ADCY2: variants seen among roughly 807,000 people sequenced by gnomAD.
The protein encoded by ADCY2 is adenylate cyclase 2.
A neutral mutation model predicts 125.2 loss-of-function variants in ADCY2; 31 were observed. The ratio of observed to expected loss-of-function variants is 0.25; its 90% CI spans 0.19 to 0.33. ADCY2 has a LOEUF of 0.33. Among genes scored for constraint, ADCY2 ranks in the 10% least tolerant of loss-of-function variants. ADCY2 has a pLI of 1.00. For synonymous variants in ADCY2, 512 were observed against 548.4 expected, an observed-to-expected ratio of 0.93 and a Z score of 0.93; for missense variants, 904 against 1,418.2, an observed-to-expected ratio of 0.64 and a Z score of 5.82.
At chr5:7,684,294 G>C (rs1321877629) in intron 4 of ADCY2, among the ~76,000 whole-genome samples, 2 of 152,184 alleles carry the variant, frequency 1.3e-5, no homozygotes, top group African/African-American at 2.4e-5. Context: ...TTGGGTGCTG[G>C]TGTGCCACAA....
chr5:7,514,902 AT>A (rs955528494), intron 2 of ADCY2, among the ~76,000 whole-genome samples: 1 of 152,188 alleles, frequency 6.6e-6, no homozygotes, highest in African/African-American at 2.4e-5. Context: ...TTGATTTTAA[AT>A]TTTTAGCCTC....
At chr5:7,494,405 G>A (rs1247801711) in intron 2 of ADCY2, among the ~76,000 whole-genome samples, 1 of 152,026 alleles carries the variant, frequency 6.6e-6, no homozygotes, top group African/African-American at 2.4e-5. Flanking sequence ...TTCTCTCTCT[G>A]CTCTCAACTC....
At chr5:7,752,514 G>T (rs1742858896) in intron 15 of ADCY2, among the ~76,000 whole-genome samples, 1 of 151,742 alleles carries the variant, frequency 6.6e-6, no homozygotes, top group South Asian at 2.1e-4. Context: ...CTTAATATGA[G>T]CTTCTACTTC....
intron 3 of ADCY2, among the ~76,000 whole-genome samples, chr5:7,548,066 T>C (rs1039219898): frequency 6.6e-6 from 1 of 152,248 alleles, no homozygotes; most frequent in Non-Finnish European, 1.5e-5. Context: ...CTGCTTCCAT[T>C]GACACCTGCC....
intron 3 of ADCY2, among the ~76,000 whole-genome samples, chr5:7,618,384 G>T (rs1355120864): frequency 6.6e-6 from 1 of 152,158 alleles, no homozygotes; most frequent in African/African-American, 2.4e-5. Context: ...CACAATGCCA[G>T]TTGAAAATGT....
intron 4 of ADCY2, among the ~76,000 whole-genome samples, chr5:7,666,470 G>T (rs1040236394): frequency 6.7e-6 from 1 of 149,614 alleles, no homozygotes; most frequent in Non-Finnish European, 1.5e-5. Flanking sequence ...GGGTTTCACC[G>T]TGTTAGTCAG....
At chr5:7,700,714 A>ACCC (rs1741050226) in intron 7 of ADCY2, among the ~76,000 whole-genome samples, 1 of 3,250 alleles carries the variant, frequency 3.1e-4, no homozygotes, top group Non-Finnish European at 7.6e-4. Flanking sequence ...ACCCCCTCGC[A>ACCC]CCCACCACAC....
chr5:7,455,911 A>G (rs1336132608), intron 2 of ADCY2, among the ~76,000 whole-genome samples: 3 of 148,774 alleles, frequency 2.0e-5, no homozygotes, highest in African/African-American at 4.9e-5. Context: ...TATATAATAT[A>G]TAAGCTATAT....
rs200724669 is a variant in ADCY2, at chr5:7,573,604, T to C, written c.571-52563T>C. Among the ~76,000 whole-genome samples the C allele has an allele frequency of 0.021, 3,077 of 145,634 alleles. 321 individuals are homozygous for C. The East Asian group carries it at 0.31, about 15-fold the overall frequency. On this transcript the variant is annotated intron_variant, in intron 3 of 24. Coordinates refer to ENST00000338316, the MANE Select transcript of ADCY2 (RefSeq NM_020546.3). ...ACAGGGTTGATTTTCTTTTTTTTTTTTTTTTTTTTTTTTTGAGAAAAAAAG... is the reference window on the plus strand; with the variant it reads ...ACAGGGTTGATTTTCTTTTTTTTTTCTTTTTTTTTTTTTTGAGAAAAAAAG...
intron 3 of ADCY2, among the ~76,000 whole-genome samples, chr5:7,535,197 C>T (rs1010980902): frequency 1.4e-4 from 21 of 152,172 alleles, no homozygotes; most frequent in African/African-American, 3.4e-4. Flanking sequence ...CCTGCCACCA[C>T]GCCCAGCTAA....
chr5:7,812,052 C>T (rs972754639), intron 22 of ADCY2, among the ~76,000 whole-genome samples: 3 of 152,086 alleles, frequency 2.0e-5, no homozygotes, highest in Admixed American at 1.3e-4. Flanking sequence ...AGAGAATCTG[C>T]GAAGATTAGA....
chr5:7,665,752 T>A (rs1012790770), intron 4 of ADCY2, among the ~76,000 whole-genome samples: 1 of 151,324 alleles, frequency 6.6e-6, no homozygotes, highest in African/African-American at 2.4e-5. Flanking sequence ...CCCGGCCACA[T>A]CTCTATCTCT....
intron 3 of ADCY2, among the ~76,000 whole-genome samples, chr5:7,524,527 C>A (rs1734376535): frequency 6.6e-6 from 1 of 152,208 alleles, no homozygotes; most frequent in African/African-American, 2.4e-5. Flanking sequence ...TGGCATGACA[C>A]ATGGCAATGT....
At chr5:7,527,231 G>T (rs1312275168) in intron 3 of ADCY2, among the ~76,000 whole-genome samples, 1 of 152,236 alleles carries the variant, frequency 6.6e-6, no homozygotes, top group Non-Finnish European at 1.5e-5. Context: ...CTTCCAGCCA[G>T]GCTCAGTGGG....
chr5:7,646,791 T>G (rs535359331), intron 4 of ADCY2, among the ~76,000 whole-genome samples: 1 of 152,300 alleles, frequency 6.6e-6, no homozygotes, highest in South Asian at 2.1e-4. Flanking sequence ...AATTTCACAT[T>G]CCATAAAATG....
At chr5:7,501,053 G>A (rs1235530245) in intron 2 of ADCY2, among the ~76,000 whole-genome samples, 1 of 150,782 alleles carries the variant, frequency 6.6e-6, no homozygotes, top group Non-Finnish European at 1.5e-5. Context: ...ACGTCTTTAT[G>A]TGTGTTTTAA....
In ADCY2 at chr5:7,553,711, C is replaced by G. The variant is rs566959681; in HGVS notation, c.570+32812C>G. On this transcript the variant is annotated intron_variant, in intron 3 of 24. Coordinates refer to ENST00000338316, the MANE Select transcript of ADCY2 (RefSeq NM_020546.3). ...TGGTGGCTATTAACTGTGGGGTGCC[C>G]CAGGGCTTGGCGAGATGGCCTTGCT... Among the ~76,000 whole-genome samples, 3 of 152,124 alleles carry G rather than the reference C, an allele frequency of 2.0e-5. No individual in the cohort carries two copies. The South Asian group carries it at 6.2e-4, about 32-fold the overall frequency.
intron 4 of ADCY2, among the ~76,000 whole-genome samples, chr5:7,639,132 T>C (rs1330085720): frequency 2.6e-5 from 4 of 152,184 alleles, no homozygotes; most frequent in African/African-American, 9.7e-5. Flanking sequence ...TTATCAGCAG[T>C]GTGAAAATGG....
intron 22 of ADCY2, among the ~76,000 whole-genome samples, chr5:7,816,375 C>T (rs1379422727): frequency 6.6e-6 from 1 of 152,214 alleles, no homozygotes; most frequent in Admixed American, 6.5e-5. Flanking sequence ...AGGCCCCAAG[C>T]CTCCTCCCTG....
Sources: gnomAD v4.1 joint callset for allele counts (sites outside exome capture counted in the v4.1 genomes callset) on GRCh38, gnomAD v4.1.1 for gene constraint, MANE v1.5 for transcripts, NCBI Gene and HGNC (gene_info 2026-07-23, HGNC 2026-07-21) for gene names.